The following SBF2 variants were observed in gnomAD, a reference collection of about 807,000 sequenced individuals.
SBF2 encodes myotubularin-related protein 13.
Under a neutral mutation model 225.2 loss-of-function variants are expected in SBF2, and 112 were observed. The ratio of observed to expected loss-of-function variants is 0.50; its 90% CI spans 0.43 to 0.58. The LOEUF (loss-of-function observed/expected upper bound fraction) is 0.58, where lower values mean the gene tolerates loss of function less well. Ranked by LOEUF, SBF2 falls within the 20% of genes least tolerant of loss-of-function variation. The pLI is 0.00. For synonymous variants in SBF2, 763 were observed against 773.3 expected (o/e 0.99, Z 0.22); for missense variants, 1,996 against 2,206.2 (o/e 0.90, Z 1.91).
chr11:9,990,146 T>C (rs1430707519), intron 12 of SBF2, among the ~76,000 whole-genome samples: 1 of 151,762 alleles, frequency 6.6e-6, no homozygotes, highest in Non-Finnish European at 1.5e-5. Context: ...TCTGTATACT[T>C]AGGGGTAAAG....
chr11:9,935,571 A>G (rs988214857), intron 16 of SBF2, among the ~76,000 whole-genome samples: 1 of 152,346 alleles, frequency 6.6e-6, no homozygotes, highest in East Asian at 1.9e-4. Flanking sequence ...ACAAGGCTAC[A>G]GTAACCAAAA....
chr11:9,876,502 A>G (rs1859253093), intron 17 of SBF2, among the ~76,000 whole-genome samples: 1 of 152,092 alleles, frequency 6.6e-6, no homozygotes, highest in Non-Finnish European at 1.5e-5. Context: ...TGAGATAGAG[A>G]GCTTGTTCTT....
At chr11:10,227,499 T>C (rs916537482) in intron 1 of SBF2, among the ~76,000 whole-genome samples, 5 of 152,220 alleles carry the variant, frequency 3.3e-5, no homozygotes, top group Non-Finnish European at 1.5e-5. Flanking sequence ...AATTTTTGTA[T>C]AAGGTGTAAG....
At chr11:10,124,760 G>GA (rs1037262873) in intron 2 of SBF2, among the ~76,000 whole-genome samples, 7 of 151,828 alleles carry the variant, frequency 4.6e-5, no homozygotes, top group Non-Finnish European at 8.8e-5. Context: ...TCTGCACTGT[G>GA]AAAAAATAAA....
intron 16 of SBF2, among the ~76,000 whole-genome samples, chr11:9,947,712 T>C (rs183741551): frequency 5.7e-4 from 87 of 152,224 alleles, no homozygotes; most frequent in Non-Finnish European, 9.0e-4. Context: ...CCACTCCCGT[T>C]AGGGAGATGC....
intron 17 of SBF2, among the ~76,000 whole-genome samples, chr11:9,878,661 T>G (rs1442124302): frequency 1.3e-5 from 2 of 152,204 alleles, no homozygotes; most frequent in African/African-American, 4.8e-5. Context: ...GTACTGGAGG[T>G]ACACACAATG....
At chr11:9,892,275 T>C (rs1021265518) in intron 17 of SBF2, among the ~76,000 whole-genome samples, 5 of 151,988 alleles carry the variant, frequency 3.3e-5, no homozygotes, top group African/African-American at 1.2e-4. Context: ...CACTCCACCA[T>C]GGCTGGCTGA....
chr11:9,866,438 A>G (rs1858229278), intron 17 of SBF2, among the ~76,000 whole-genome samples: 1 of 152,230 alleles, frequency 6.6e-6, no homozygotes, highest in Non-Finnish European at 1.5e-5. Flanking sequence ...TGCATAGCCA[A>G]CTGATTTTCC....
intron 1 of SBF2, among the ~76,000 whole-genome samples, chr11:10,270,753 G>A (rs1280394538): frequency 6.6e-6 from 1 of 151,900 alleles, no homozygotes; most frequent in East Asian, 1.9e-4. Context: ...CAGCACTTTG[G>A]GAGGCCGAGG....
At chr11:10,152,012 C>G (rs1955223105) in intron 2 of SBF2, among the ~76,000 whole-genome samples, 1 of 152,058 alleles carries the variant, frequency 6.6e-6, no homozygotes, top group Non-Finnish European at 1.5e-5. Flanking sequence ...AAAGTTAGTT[C>G]TTGTTTTTCT....
intron 2 of SBF2, among the ~76,000 whole-genome samples, chr11:10,085,729 G>C (rs983929996): frequency 6.6e-6 from 1 of 152,060 alleles, no homozygotes; most frequent in Non-Finnish European, 1.5e-5. Flanking sequence ...TTTGAATACT[G>C]TTTTAATGGC....
rs771736893 is a variant in SBF2 at position 10,028,605 on chromosome 11, T to C, written c.514-48A>G. On this transcript the variant is annotated intron_variant, in intron 5 of 39. Coordinates refer to ENST00000256190, the MANE Select transcript of SBF2 (RefSeq NM_030962.4). ...ACACACACACACACGATTTCAGCCA[T>C]TTTTTAAAAAATAAAAATACCTTCG... is the stretch of plus-strand genomic sequence containing the variant. 18 of 1,250,682 alleles carry C rather than the reference T, an allele frequency of 1.4e-5. No homozygotes were observed. In the Admixed American group the frequency reaches 1.5e-4, roughly 11 times the overall value. The allele number at this position is 1,250,682 out of a possible 1,614,324, so 77.5% of individuals were successfully genotyped here.
chr11:9,996,641 G>A (rs993987070), intron 9 of SBF2, among the ~76,000 whole-genome samples: 10 of 151,740 alleles, frequency 6.6e-5, no homozygotes, highest in South Asian at 2.1e-4. Flanking sequence ...TGCCTGCCTC[G>A]GCCTCCCAAA....
At chr11:9,924,695 G>C (rs1352037018) in intron 16 of SBF2, among the ~76,000 whole-genome samples, 1 of 152,052 alleles carries the variant, frequency 6.6e-6, no homozygotes, top group Non-Finnish European at 1.5e-5. Flanking sequence ...GCCTCCCAAA[G>C]TGCTGGGATT....
chr11:9,802,019 T>G (rs1188762137), intron 32 of SBF2, among the ~76,000 whole-genome samples: 2 of 152,234 alleles, frequency 1.3e-5, no homozygotes, highest in Non-Finnish European at 2.9e-5. Flanking sequence ...ATTTACAATT[T>G]GAATAAACTT....
chr11:10,253,263 C>A (rs573121221), intron 1 of SBF2, among the ~76,000 whole-genome samples: 1 of 151,370 alleles, frequency 6.6e-6, no homozygotes, highest in East Asian at 1.9e-4. Context: ...ACTTTTTAAA[C>A]TATGTGCATA....
At chr11:10,104,571 T>C (rs1212096718) in intron 2 of SBF2, among the ~76,000 whole-genome samples, 2 of 152,174 alleles carry the variant, frequency 1.3e-5, no homozygotes, top group Non-Finnish European at 2.9e-5. Context: ...GACAGGGAGC[T>C]GGTACTGTGC....
chr11:9,943,007 GAAAGAGAA>G (rs1340553511), intron 16 of SBF2, among the ~76,000 whole-genome samples: 29 of 150,972 alleles, frequency 1.9e-4, no homozygotes, highest in Admixed American at 6.6e-4. Flanking sequence ...AAGAAAGAAA[GAAAGAGAA>G]AGAAAGATTG....
chr11:10,077,402 ATAC>A (rs1292922877), intron 2 of SBF2, among the ~76,000 whole-genome samples: 1 of 152,192 alleles, frequency 6.6e-6, no homozygotes, highest in Non-Finnish European at 1.5e-5. Context: ...ACTTCAAACT[ATAC>A]TACAAGGCTA....
Sources: gnomAD v4.1 joint callset for allele counts (sites outside exome capture counted in the v4.1 genomes callset) on GRCh38, gnomAD v4.1.1 for gene constraint, MANE v1.5 for transcripts, NCBI Gene and HGNC (gene_info 2026-07-23, HGNC 2026-07-21) for gene names.